Variants in TXNL4A observed in about 807,000 individuals in gnomAD.
TXNL4A encodes thioredoxin like 4A.
Under a neutral mutation model 14.6 loss-of-function variants are expected in TXNL4A, and 17 were observed. That is an observed-to-expected ratio of 1.16 (90% CI 0.80 to 1.74). The LOEUF (loss-of-function observed/expected upper bound fraction) is 1.74. Among genes scored for constraint, TXNL4A ranks in the 40% most tolerant of loss-of-function variants. The pLI is 0.00. For synonymous variants in TXNL4A, 83 were observed against 70.6 expected (o/e 1.18, Z -0.88); for missense variants, 74 against 195.2 (o/e 0.38, Z 3.70).
chr18:80,018,819 C>T (rs1040100036), intron 1 of TXNL4A, among the ~76,000 whole-genome samples: 3 of 152,166 alleles, frequency 2.0e-5, no homozygotes, highest in Non-Finnish European at 4.4e-5. Flanking sequence ...TTTCTTCTGC[C>T]AGATACCCTA....
intron 1 of TXNL4A, among the ~76,000 whole-genome samples, chr18:79,999,029 C>T (rs558240202): frequency 3.3e-5 from 5 of 152,080 alleles, no homozygotes; most frequent in African/African-American, 4.8e-5. Context: ...TAATTAAAGC[C>T]GGTCCTCTTC....
At chr18:80,031,785 T>C (rs541941294) in intron 1 of TXNL4A, among the ~76,000 whole-genome samples, 20 of 152,214 alleles carry the variant, frequency 1.3e-4, no homozygotes, top group South Asian at 4.1e-4. Flanking sequence ...TTCCAGAAAA[T>C]GAAGAACATA....
chr18:80,015,397 C>T (rs961045490), intron 1 of TXNL4A, among the ~76,000 whole-genome samples: 7 of 144,776 alleles, frequency 4.8e-5, no homozygotes, highest in Non-Finnish European at 1.1e-4. Context: ...TTTTAGGGTA[C>T]ATGTGCACAA....
chr18:79,997,153 T>C (rs1209759262), intron 1 of TXNL4A, among the ~76,000 whole-genome samples: 2 of 152,176 alleles, frequency 1.3e-5, no homozygotes, highest in East Asian at 3.9e-4. Context: ...TGCTTAAGGA[T>C]GTCCCTTCCC....
chr18:80,009,943 T>G (rs2051759158), intron 1 of TXNL4A, among the ~76,000 whole-genome samples: 1 of 152,180 alleles, frequency 6.6e-6, no homozygotes, highest in East Asian at 1.9e-4. Flanking sequence ...CCATTTTGCC[T>G]CTTGGTGCCA....
At chr18:80,003,939 C>T (rs2051713088) in intron 1 of TXNL4A, among the ~76,000 whole-genome samples, 1 of 152,122 alleles carries the variant, frequency 6.6e-6, no homozygotes, top group Admixed American at 6.5e-5. Context: ...ACCACCCCCA[C>T]GATCCGGTCA....
intron 1 of TXNL4A, among the ~76,000 whole-genome samples, chr18:80,009,618 G>A (rs981375802): frequency 7.2e-5 from 11 of 152,212 alleles, no homozygotes; most frequent in African/African-American, 2.4e-4. Flanking sequence ...CAGATTTAGA[G>A]CAAGAGTGAG....
intron 2 of TXNL4A, among the ~76,000 whole-genome samples, chr18:79,975,522 A>C (rs2051365682): frequency 6.6e-6 from 1 of 152,044 alleles, no homozygotes; most frequent in African/African-American, 2.4e-5. Context: ...GCTGGCCTCC[A>C]CTGCACGCTG....
In TXNL4A at chr18:79,976,627, G is replaced by A. The variant is rs571933335; in HGVS notation, c.257+971C>T. The A allele has an allele frequency of 1.8e-4, 58 of 318,264 alleles. No individual in the cohort carries two copies. The Middle Eastern group carries it at 9.6e-3, about 52-fold the overall frequency. 19.7% of individuals were successfully genotyped at this position (318,264 alleles called of 1,614,324 possible). Reference sequence around the variant, plus strand: ...TACAGAACTGTGAGCTCAGAAAAGCGGGGTGATTTAAGCTGCTCAATGCGT... The same window carrying A: ...TACAGAACTGTGAGCTCAGAAAAGCAGGGTGATTTAAGCTGCTCAATGCGT... On this transcript the variant is annotated intron_variant, in intron 2 of 2. Transcript: ENST00000269601.
chr18:80,006,726 T>A (rs2051733727), intron 1 of TXNL4A, among the ~76,000 whole-genome samples: 1 of 152,146 alleles, frequency 6.6e-6, no homozygotes, highest in Non-Finnish European at 1.5e-5. Context: ...AAAGTTCCCT[T>A]GTGCAGAGTG....
At chr18:79,974,950 G>A (rs150942245) in intron 2 of TXNL4A, among the ~76,000 whole-genome samples, 25 of 152,028 alleles carry the variant, frequency 1.6e-4, no homozygotes, top group African/African-American at 4.8e-4. Flanking sequence ...CTACTATTCC[G>A]TAGAAAGTAT....
chr18:80,031,109 C>T lies in TXNL4A; in HGVS notation c.-61+2742G>A, dbSNP rs114112147. Among the ~76,000 whole-genome samples, 205 of 152,304 alleles carry T rather than the reference C, an allele frequency of 1.3e-3. 2 individuals are homozygous for T. Among genetic ancestry groups the T allele is most frequent in the African/African-American group, 4.7e-3 (196 of 41,572 alleles). ...GGTGACCATGCCCCAAACAATGGCC[C>T]GTTTTCACAATGGAATAATGCAAAC... On this transcript the variant is annotated intron_variant, in intron 1 of 2. Coordinates refer to the TXNL4A transcript ENST00000585474.
chr18:79,988,370 A>C lies in TXNL4A; in HGVS notation c.23T>G (p.Leu8Arg), dbSNP rs1257114490. Residue 8 changes from leucine (L) to arginine (R), a missense_variant, in exon 1 of 3, where the codon CTG (leucine) becomes CGG (arginine). Physicochemically the swap from Leu to Arg is moderately radical, Grantham distance 102. Around this residue, in one of 3 missense-constraint regions of TXNL4A, gnomAD observed 55 missense variants for 116.1 expected, o/e 0.47. Coordinates refer to ENST00000269601, the MANE Select transcript of TXNL4A (RefSeq NM_006701.5). ...CTGGTCCACCTGCCAGCCGTTGTGC[A>C]GGTGCGGGAGCATGTACGACATGGC... is the stretch of plus-strand genomic sequence containing the variant. MSYMLPH[L>R]HNGWQVDQAI... The C allele has an allele frequency of 6.5e-7, 1 of 1,536,500 alleles. No homozygotes were observed.
At chr18:79,988,142 CG>C in intron 1 of TXNL4A, 97 bp downstream of exon 1, 3 of 1,298,220 alleles carry the variant, frequency 2.3e-6, no homozygotes, top group Middle Eastern at 2.3e-4. Flanking sequence ...GGCCCCTCCT[CG>C]GGGAACAGCT....
intron 1 of TXNL4A, among the ~76,000 whole-genome samples, chr18:80,010,646 G>T (rs990800255): frequency 2.0e-5 from 3 of 152,206 alleles, no homozygotes; most frequent in African/African-American, 7.2e-5. Flanking sequence ...GCATTTTTAT[G>T]CCCAGCCTTG....
chr18:79,986,697 G>A, intron 1 of TXNL4A: 1 of 985,462 alleles, frequency 1.0e-6, no homozygotes, highest in East Asian at 1.1e-4. Flanking sequence ...AGCCATCCTA[G>A]CCTCGAGCTG....
chr18:80,019,645 A>G (rs2145123794), intron 1 of TXNL4A, among the ~76,000 whole-genome samples: 1 of 152,256 alleles, frequency 6.6e-6, no homozygotes, highest in East Asian at 1.9e-4. Context: ...AAATTTTTCT[A>G]TAGTCTCTCC....
At chr18:79,983,924 A>G (rs1311052831) in intron 1 of TXNL4A, among the ~76,000 whole-genome samples, 2 of 152,116 alleles carry the variant, frequency 1.3e-5, no homozygotes, top group Non-Finnish European at 1.5e-5. Context: ...GCCTAGCTAG[A>G]GTCTGCACCC....
chr18:79,986,932 A>C (rs776020002), intron 1 of TXNL4A, among the ~76,000 whole-genome samples: 10 of 152,032 alleles, frequency 6.6e-5, no homozygotes, highest in Non-Finnish European at 1.3e-4. Flanking sequence ...ATCATCTCTA[A>C]TCCCCGGCTG....
Sources: gnomAD v4.1 joint callset for allele counts (sites outside exome capture counted in the v4.1 genomes callset) on GRCh38, gnomAD v4.1.1 for gene constraint, gnomAD v4.1.1 regional missense constraint, MANE v1.5 for transcripts, NCBI Gene and HGNC (gene_info 2026-07-23, HGNC 2026-07-21) for gene names.